The following LPA variants were observed in gnomAD, a reference collection of about 807,000 sequenced individuals.
LPA encodes apolipoprotein(a).
LPA carries 199 observed loss-of-function variants against 197.9 expected under a neutral mutation model. The ratio of observed to expected loss-of-function variants is 1.01; its 90% CI spans 0.90 to 1.13. LPA has a LOEUF of 1.13. LPA is among the 50% of genes most tolerant of loss of function. The probability of loss-of-function intolerance (pLI) is 0.00; values close to 1 mark genes in which losing one functional copy is unlikely to be tolerated. For missense variants in LPA, 1,853 were observed against 1,785.8 expected, an observed-to-expected ratio of 1.04 and a Z score of -0.68; for synonymous variants, 715 against 639.5, an observed-to-expected ratio of 1.12 and a Z score of -1.78.
chr6:160,535,694 T>C (rs928441200), intron 37 of LPA, among the ~76,000 whole-genome samples: 2 of 145,532 alleles, frequency 1.4e-5, no homozygotes, highest in African/African-American at 2.5e-5. Context: ...GGCGATGATG[T>C]TGATGGGGAT....
intron 17 of LPA, 41 bp from the exon 18 acceptor site, chr6:160,605,246 G>A (rs774618454): frequency 1.9e-6 from 3 of 1,608,496 alleles, no homozygotes; most frequent in Admixed American, 3.3e-5. Flanking sequence ...GTGTTTCCAA[G>A]AAGAGACAAA....
intron 1 of LPA, among the ~76,000 whole-genome samples, chr6:160,661,488 C>A (rs1780226286): frequency 6.6e-6 from 1 of 152,180 alleles, no homozygotes; most frequent in African/African-American, 2.4e-5. Flanking sequence ...TCAGAAAGGC[C>A]TGTCCTGACC....
intron 28 of LPA, among the ~76,000 whole-genome samples, chr6:160,572,920 T>TC (rs1276200912): frequency 3.3e-5 from 5 of 152,206 alleles, no homozygotes; most frequent in African/African-American, 1.2e-4. Flanking sequence ...TCCCAGGTGT[T>TC]CTTTGTGCTG....
At chr6:160,598,903 G>A (rs781586790) in intron 20 of LPA, among the ~76,000 whole-genome samples, 1 of 152,308 alleles carries the variant, frequency 6.6e-6, no homozygotes, top group Non-Finnish European at 1.5e-5. Flanking sequence ...AAGGTGAAAA[G>A]GTTGTATTAA....
chr6:160,564,640 C>T (rs1778418828), intron 28 of LPA, among the ~76,000 whole-genome samples: 1 of 152,158 alleles, frequency 6.6e-6, no homozygotes, highest in Admixed American at 6.5e-5. Context: ...GTTCATCTCA[C>T]CGGGGCTTGT....
intron 16 of LPA, among the ~76,000 whole-genome samples, chr6:160,607,743 T>C (rs1213907286): frequency 6.6e-6 from 1 of 152,080 alleles, no homozygotes; most frequent in Non-Finnish European, 1.5e-5. Flanking sequence ...TCCCAGACCC[T>C]CCATTCCAGG....
chr6:160,591,211 T>G (rs968258686), intron 22 of LPA, 110 bp from the exon 23 acceptor site: 8 of 1,365,602 alleles, frequency 5.9e-6, no homozygotes, highest in Non-Finnish European at 8.2e-6. Context: ...CTTTGAAATA[T>G]TCTCACTAAA....
intron 28 of LPA, 105 bp from the exon 29 acceptor site, chr6:160,557,676 T>A: frequency 1.0e-6 from 1 of 966,204 alleles, no homozygotes; most frequent in Non-Finnish European, 1.7e-6. Flanking sequence ...AGTGACGTTG[T>A]AATATTCCCA....
chr6:160,549,634 T>C (rs888468310), intron 30 of LPA, among the ~76,000 whole-genome samples: 12 of 152,314 alleles, frequency 7.9e-5, no homozygotes, highest in Admixed American at 7.8e-4. Flanking sequence ...AATAGCATTA[T>C]TGTCAATACC....
chr6:160,542,601 A>G, intron 34 of LPA, 87 bp downstream of exon 34: 2 of 1,588,102 alleles, frequency 1.3e-6, no homozygotes, highest in Middle Eastern at 2.3e-4. Flanking sequence ...TTGATGCATC[A>G]GCTGTGTGGG....
At chr6:160,580,465 G>C (rs557636672) in intron 26 of LPA, among the ~76,000 whole-genome samples, 3 of 152,028 alleles carry the variant, frequency 2.0e-5, no homozygotes, top group Non-Finnish European at 4.4e-5. Context: ...CATATTTATC[G>C]AACTTTATAA....
chr6:160,608,835 G>GTGTGTA (rs1159540564), intron 16 of LPA, among the ~76,000 whole-genome samples: 2 of 151,846 alleles, frequency 1.3e-5, no homozygotes, highest in African/African-American at 4.8e-5. Flanking sequence ...GTGTGTGTGT[G>GTGTGTA]TGTGTGTGAA....
chr6:160,660,915 A>G (rs1780213930), intron 1 of LPA, among the ~76,000 whole-genome samples: 1 of 152,192 alleles, frequency 6.6e-6, no homozygotes, highest in Non-Finnish European at 1.5e-5. Context: ...GAAATTGTAA[A>G]AAAGCAGAAC....
At chr6:160,609,849 G>A (rs537362956) in intron 16 of LPA, among the ~76,000 whole-genome samples, 1 of 151,620 alleles carries the variant, frequency 6.6e-6, no homozygotes, top group Non-Finnish European at 1.5e-5. Flanking sequence ...TGTGTGTGTG[G>A]CTCATTCTGT....
At chr6:160,594,165 G>A in intron 21 of LPA, 48 bp from the exon 22 acceptor site, 1 of 1,607,618 alleles carries the variant, frequency 6.2e-7, no homozygotes, top group East Asian at 2.2e-5. Flanking sequence ...CTAGAACACA[G>A]AAGCATCAGA....
chr6:160,582,167 C>A (rs1377432650), intron 26 of LPA, among the ~76,000 whole-genome samples: 1 of 151,658 alleles, frequency 6.6e-6, no homozygotes, highest in African/African-American at 2.4e-5. Flanking sequence ...GGTTTTTTTC[C>A]TTCTTTTCAC....
At chr6:160,606,709 G>A in intron 16 of LPA, 51 bp from the exon 17 acceptor site, 1 of 1,598,828 alleles carries the variant, frequency 6.3e-7, no homozygotes, top group Non-Finnish European at 8.6e-7. Flanking sequence ...AATATGCAGG[G>A]GCACCCCACA....
At position 160,576,686 on chromosome 6, in the gene LPA, G is replaced by A. The variant is rs1350805170; in HGVS notation, c.4631+450C>T. 8.3e-3 allele frequency among the ~76,000 whole-genome samples: 1,014 copies of A among 122,078 alleles called. 8 individuals are homozygous for A. Among genetic ancestry groups the A allele is most frequent in the African/African-American group, 0.032 (974 of 30,412 alleles). The allele number at this position is 122,078 out of a possible 152,430, so 80.1% of individuals were successfully genotyped here. Reference sequence around the variant, plus strand: ...TTCAGATGTTTGTGTGTGTGTGTGTGTGTGTATATATATATATATATATAT... The same window carrying A: ...TTCAGATGTTTGTGTGTGTGTGTGTATGTGTATATATATATATATATATAT... On this transcript the variant is annotated intron_variant, in intron 28 of 38. Coordinates refer to ENST00000316300, the MANE Select transcript of LPA (RefSeq NM_005577.4).
rs191344155 is a variant in LPA at position 160,601,265 on chromosome 6, A to G, written c.2946-167T>C. On this transcript the variant is annotated intron_variant, in intron 18 of 38. Coordinates refer to ENST00000316300, the MANE Select transcript of LPA (RefSeq NM_005577.4). ...GCTCTCAATCTCTAATCCTCTCTGC[A>G]CATTTCTCATACTTAATATATTATC... Among the ~76,000 whole-genome samples, 478 of 152,314 alleles carry G rather than the reference A, an allele frequency of 3.1e-3. 2 individuals are homozygous for G. Among genetic ancestry groups the G allele is most frequent in the South Asian group, 0.011 (51 of 4,824 alleles).
Sources: allele counts gnomAD v4.1 joint callset (sites outside exome capture counted in the v4.1 genomes callset), GRCh38; gene constraint gnomAD v4.1.1; transcripts MANE v1.5; gene names NCBI Gene and HGNC (gene_info 2026-07-23, HGNC 2026-07-21).